The following CIMIP2C variants were observed in gnomAD, a reference collection of about 807,000 sequenced individuals.
CIMIP2C encodes the protein ciliary microtubule inner protein 2C, also known as UPF0573 protein C2orf70.
chr2:26,575,610 A>T, the CIMIP2C span, among the ~76,000 whole-genome samples: 359 of 152,212 alleles, frequency 2.4e-3, no homozygotes, highest in African/African-American at 8.4e-3. Flanking sequence ...AGGTCAGTGC[A>T]CCTGGGGAAG....
chr2:26,579,115 C>T, the CIMIP2C span: 3 of 639,434 alleles, frequency 4.7e-6, no homozygotes, highest in Admixed American at 2.8e-5. Flanking sequence ...ACCACTGTGC[C>T]ATTATGTAAA....
At chr2:26,575,891 G>A in the CIMIP2C span, 20 of 1,610,226 alleles carry the variant, frequency 1.2e-5, no homozygotes, top group Admixed American at 6.7e-5. Flanking sequence ...CACCCCCACC[G>A]TGATCGGCAG....
the CIMIP2C span, among the ~76,000 whole-genome samples, chr2:26,565,664 C>T: frequency 2.0e-5 from 3 of 152,190 alleles, no homozygotes; most frequent in South Asian, 2.1e-4. Context: ...CTTATCCCCC[C>T]TGCCTCACCT....
the CIMIP2C span, among the ~76,000 whole-genome samples, chr2:26,564,012 T>A: frequency 6.6e-6 from 1 of 152,210 alleles, no homozygotes; most frequent in Admixed American, 6.5e-5. Flanking sequence ...TTCCTTTATT[T>A]AAGACATTCA....
the CIMIP2C span, among the ~76,000 whole-genome samples, chr2:26,573,080 C>T: frequency 6.6e-6 from 1 of 152,156 alleles, no homozygotes; most frequent in Non-Finnish European, 1.5e-5. Flanking sequence ...CAGTGTGAGC[C>T]GAGGACATTG....
the CIMIP2C span, among the ~76,000 whole-genome samples, chr2:26,569,069 G>C: frequency 6.6e-6 from 1 of 151,912 alleles, no homozygotes; most frequent in African/African-American, 2.4e-5. Context: ...TGAGACATAG[G>C]AGAGGTGCAA....
the CIMIP2C span, among the ~76,000 whole-genome samples, chr2:26,576,470 C>G: frequency 6.6e-6 from 1 of 152,186 alleles, no homozygotes; most frequent in Non-Finnish European, 1.5e-5. Flanking sequence ...TGTCTCTAGG[C>G]TCCTGCCCTT....
the CIMIP2C span, among the ~76,000 whole-genome samples, chr2:26,573,469 G>A: frequency 7.0e-6 from 1 of 143,788 alleles, no homozygotes; most frequent in South Asian, 2.1e-4. Flanking sequence ...GAGACAGGGA[G>A]GAGTCGGATG....
chr2:26,573,419 G>A, the CIMIP2C span, among the ~76,000 whole-genome samples: 1 of 152,238 alleles, frequency 6.6e-6, no homozygotes, highest in East Asian at 1.9e-4. Flanking sequence ...CGAGAGGGAG[G>A]GGGATATTAA....
At chr2:26,570,685 C>G in the CIMIP2C span, among the ~76,000 whole-genome samples, 2 of 152,194 alleles carry the variant, frequency 1.3e-5, no homozygotes, top group Admixed American at 6.5e-5. Flanking sequence ...GCCTGAAGAG[C>G]AAGTGGGGCC....
the CIMIP2C span, among the ~76,000 whole-genome samples, chr2:26,575,638 T>A: frequency 6.6e-6 from 1 of 152,126 alleles, no homozygotes; most frequent in African/African-American, 2.4e-5. Flanking sequence ...GGGCCAAAGA[T>A]GGCCACCGGG....
the CIMIP2C span, chr2:26,562,778 T>C: frequency 8.7e-7 from 1 of 1,143,312 alleles, no homozygotes; most frequent in Non-Finnish European, 1.3e-6. Context: ...GACTTTGGGG[T>C]TGAAGGAACC....
the CIMIP2C span, chr2:26,578,637 C>T: frequency 1.5e-5 from 6 of 407,170 alleles, no homozygotes; most frequent in Non-Finnish European, 2.5e-5. Flanking sequence ...CTTGGAATGG[C>T]TCTGAGCCAG....
At chr2:26,577,509 A>G in the CIMIP2C span, 1 of 1,612,368 alleles carries the variant, frequency 6.2e-7, no homozygotes, top group African/African-American at 1.3e-5. Context: ...CCTTGATTGA[A>G]CCATAGATGG....
chr2:26,569,522 A>T, the CIMIP2C span, among the ~76,000 whole-genome samples: 2 of 152,198 alleles, frequency 1.3e-5, no homozygotes, highest in Non-Finnish European at 2.9e-5. Context: ...GAATGTGGAC[A>T]TGCCGAATAG....
chr2:26,568,055 G>C, the CIMIP2C span, among the ~76,000 whole-genome samples: 1 of 152,182 alleles, frequency 6.6e-6, no homozygotes, highest in African/African-American at 2.4e-5. Context: ...CAGGCTGAGA[G>C]GTCTGACTGA....
chr2:26,573,741 C>T, the CIMIP2C span, among the ~76,000 whole-genome samples: 39 of 152,318 alleles, frequency 2.6e-4, no homozygotes, highest in African/African-American at 7.7e-4. Context: ...GTGTCAAGGG[C>T]GGCGCCTCTG....
chr2:26,565,693 G>A, the CIMIP2C span, among the ~76,000 whole-genome samples: 5 of 152,146 alleles, frequency 3.3e-5, no homozygotes, highest in African/African-American at 1.2e-4. Context: ...TGTTCAATGG[G>A]GATGATCACG....
the CIMIP2C span, chr2:26,562,762 C>T: frequency 2.2e-5 from 28 of 1,293,158 alleles, no homozygotes; most frequent in African/African-American, 1.3e-4. Context: ...CAGCCCCCTG[C>T]CCCCGGACTT....
Sources: gnomAD v4.1 joint callset for allele counts (sites outside exome capture counted in the v4.1 genomes callset) on GRCh38, gnomAD v4.1.1 for gene constraint, MANE v1.5 for transcripts, NCBI Gene and HGNC (gene_info 2026-07-23, HGNC 2026-07-21) for gene names.